The following SGCD variants were observed in gnomAD, a reference collection of about 807,000 sequenced individuals.
The protein encoded by SGCD is delta-sarcoglycan.
A neutral mutation model predicts 36.6 loss-of-function variants in SGCD; 18 were observed. That is an observed-to-expected ratio of 0.49 (90% CI 0.34 to 0.73). The LOEUF is 0.73. Among genes scored for constraint, SGCD ranks in the 30% least tolerant of loss-of-function variants. The probability of loss-of-function intolerance (pLI) is 0.01; values close to 1 mark genes in which losing one functional copy is unlikely to be tolerated. For missense variants in SGCD, 387 were observed against 346.7 expected (o/e 1.12, Z -0.92); for synonymous variants, 133 against 130.6 (o/e 1.02, Z -0.12).
intron 3 of SGCD, among the ~76,000 whole-genome samples, chr5:156,193,027 C>T (rs888061252): frequency 2.0e-5 from 3 of 151,652 alleles, no homozygotes; most frequent in South Asian, 4.2e-4. Flanking sequence ...TTCTACATGT[C>T]ACGAAATATT....
At chr5:155,888,371 A>G (rs1055563015) in intron 1 of SGCD, among the ~76,000 whole-genome samples, 1 of 152,152 alleles carries the variant, frequency 6.6e-6, no homozygotes, top group Non-Finnish European at 1.5e-5. Context: ...ATGTTCCTGT[A>G]TAGGAGGAGA....
intron 3 of SGCD, among the ~76,000 whole-genome samples, chr5:156,240,285 G>A (rs1003426641): frequency 2.0e-5 from 3 of 152,080 alleles, no homozygotes; most frequent in Admixed American, 6.6e-5. Flanking sequence ...TAGAAGTAGA[G>A]GAGAAAAGCA....
intron 3 of SGCD, among the ~76,000 whole-genome samples, chr5:156,273,781 A>G (rs1208132320): frequency 6.6e-6 from 1 of 152,162 alleles, no homozygotes; most frequent in Non-Finnish European, 1.5e-5. Flanking sequence ...ATCCTAGAAG[A>G]GTGAGAAAAA....
chr5:156,487,960 TTATA>T (rs55795142), intron 3 of SGCD, among the ~76,000 whole-genome samples: 4,714 of 136,582 alleles, frequency 0.035, 201 homozygotes, highest in African/African-American at 0.098. Context: ...GTAACATATA[TTATA>T]TATATATATA....
chr5:156,329,192 G>A (rs896114155), intron 1 of SGCD, among the ~76,000 whole-genome samples: 2 of 152,286 alleles, frequency 1.3e-5, no homozygotes, highest in Admixed American at 6.5e-5. Flanking sequence ...GGACAGAGGT[G>A]GAGGCAGTGA....
At chr5:155,945,572 A>G (rs1757421905) in intron 1 of SGCD, among the ~76,000 whole-genome samples, 1 of 152,206 alleles carries the variant, frequency 6.6e-6, no homozygotes, top group Non-Finnish European at 1.5e-5. Context: ...AACTAGCCTG[A>G]GGCTTCAGGG....
chr5:156,433,018 C>A lies in SGCD; in HGVS notation c.193-75583C>A, dbSNP rs80126505. Reference sequence around the variant, plus strand: ...CTCACAGATTCTGTTCAGGAGAGTTCATCCCACTCAAAATTATATCACAGA... The same window carrying A: ...CTCACAGATTCTGTTCAGGAGAGTTAATCCCACTCAAAATTATATCACAGA... On this transcript the variant is annotated intron_variant, in intron 3 of 8. Transcript: ENST00000337851. Among the ~76,000 whole-genome samples, 815 of 152,346 alleles carry A rather than the reference C, an allele frequency of 5.3e-3. 9 individuals carry two copies. The highest frequency in any genetic ancestry group is 0.018 in the African/African-American group (758 of 41,586).
the SGCD span, among the ~76,000 whole-genome samples, chr5:155,757,152 C>A: frequency 6.6e-6 from 1 of 152,124 alleles, no homozygotes; most frequent in Non-Finnish European, 1.5e-5. Context: ...CAAACATGCT[C>A]GTCTTGGAAA....
At chr5:156,429,966 C>T (rs565763139) in intron 3 of SGCD, among the ~76,000 whole-genome samples, 1 of 152,174 alleles carries the variant, frequency 6.6e-6, no homozygotes, top group Admixed American at 6.5e-5. Context: ...ATACTCAATA[C>T]TTTTTCTTGA....
intron 3 of SGCD, among the ~76,000 whole-genome samples, chr5:156,390,977 C>T (rs761081222): frequency 3.3e-5 from 5 of 151,872 alleles, no homozygotes; most frequent in Non-Finnish European, 5.9e-5. Context: ...CTAAGTGTAC[C>T]GTTTTTATAA....
chr5:156,649,189 A>G (rs185711063), intron 7 of SGCD, among the ~76,000 whole-genome samples: 90 of 152,304 alleles, frequency 5.9e-4, no homozygotes, highest in Middle Eastern at 6.8e-3. Context: ...TAGAGTGGCG[A>G]TCATTAAAAA....
chr5:156,325,824 GATGTGCACAC>G (rs1277706670), upstream of SGCD, among the ~76,000 whole-genome samples: 1 of 152,044 alleles, frequency 6.6e-6, no homozygotes, highest in Non-Finnish European at 1.5e-5. Flanking sequence ...CTTGACCTTA[GATGTGCACAC>G]ACACCTCCCC....
chr5:155,842,009 A>G, the SGCD span, among the ~76,000 whole-genome samples: 1 of 152,142 alleles, frequency 6.6e-6, no homozygotes, highest in East Asian at 1.9e-4. Flanking sequence ...GGCCACCTTA[A>G]CTTTGTCACT....
intron 7 of SGCD, among the ~76,000 whole-genome samples, chr5:156,711,829 C>A (rs926406368): frequency 2.0e-5 from 3 of 152,136 alleles, no homozygotes; most frequent in Admixed American, 1.3e-4. Context: ...AAAGTGAAAG[C>A]AAGTTTATTA....
chr5:155,730,121 G>A, the SGCD span, among the ~76,000 whole-genome samples: 1 of 152,156 alleles, frequency 6.6e-6, no homozygotes, highest in Non-Finnish European at 1.5e-5. Context: ...AGAGCTGGAT[G>A]GAAGAAATTA....
chr5:155,894,514 T>G (rs538074674), intron 1 of SGCD, among the ~76,000 whole-genome samples: 3 of 152,268 alleles, frequency 2.0e-5, no homozygotes, highest in Admixed American at 2.0e-4. Context: ...TATTATAAAC[T>G]GGGCCGCATA....
chr5:155,808,187 C>A, the SGCD span, among the ~76,000 whole-genome samples: 1 of 152,190 alleles, frequency 6.6e-6, no homozygotes, highest in Admixed American at 6.5e-5. Context: ...GGAGTGAGAA[C>A]AAACAGTTGG....
At chr5:156,502,553 T>G (rs190602119) in intron 3 of SGCD, among the ~76,000 whole-genome samples, 1 of 152,160 alleles carries the variant, frequency 6.6e-6, no homozygotes, top group Non-Finnish European at 1.5e-5. Context: ...CAGTTTGCTC[T>G]TAAACTCCTT....
the SGCD span, among the ~76,000 whole-genome samples, chr5:155,819,142 G>A: frequency 1.3e-5 from 2 of 151,930 alleles, no homozygotes; most frequent in African/African-American, 4.8e-5. Context: ...AGAATGAACT[G>A]GATATTTCCA....
Sources: gnomAD v4.1 joint callset for allele counts (sites outside exome capture counted in the v4.1 genomes callset) on GRCh38, gnomAD v4.1.1 for gene constraint, MANE v1.5 for transcripts, NCBI Gene and HGNC (gene_info 2026-07-23, HGNC 2026-07-21) for gene names.